Variants in KIF4A observed in about 807,000 individuals in gnomAD.
KIF4A encodes kinesin family member 4A.
A neutral mutation model predicts 105.9 loss-of-function variants in KIF4A; 7 were observed. The ratio of observed to expected loss-of-function variants is 0.07; its 90% CI spans 0.04 to 0.12. KIF4A has a LOEUF of 0.12. KIF4A is among the 10% of genes least tolerant of loss of function. The pLI is 1.00. For synonymous variants in KIF4A, 281 were observed against 331.3 expected (o/e 0.85, Z 1.65); for missense variants, 558 against 929.2 (o/e 0.60, Z 5.19).
chrX:70,326,701 A>C (rs1427251084), intron 7 of KIF4A, among the ~76,000 whole-genome samples: 2 of 111,898 alleles, frequency 1.8e-5, no homozygotes, highest in Non-Finnish European at 3.8e-5. Flanking sequence ...GCTGTCCTTA[A>C]TCAGAACTTT....
chrX:70,356,566 A>C (rs1458504293), intron 15 of KIF4A, among the ~76,000 whole-genome samples: 4 of 112,338 alleles, frequency 3.6e-5, no homozygotes, highest in South Asian at 3.7e-4. Context: ...CTGTCTCAAA[A>C]AAACAAACAA....
intron 1 of KIF4A, 125 bp downstream of exon 1, chrX:70,290,275 T>TAAAG: frequency 3.8e-6 from 2 of 531,840 alleles, no homozygotes; most frequent in Non-Finnish European, 5.9e-6. Context: ...GCACTCTCTT[T>TAAAG]AGAGTGCAGG....
intron 15 of KIF4A, among the ~76,000 whole-genome samples, chrX:70,358,068 G>T (rs1156371971): frequency 9.0e-6 from 1 of 110,704 alleles, no homozygotes; most frequent in African/African-American, 3.3e-5. Context: ...GTGCCACCAT[G>T]CCTGGCTAAT....
At chrX:70,364,408 A>G (rs1234714998) in intron 15 of KIF4A, among the ~76,000 whole-genome samples, 4 of 108,645 alleles carry the variant, frequency 3.7e-5, no homozygotes, top group African/African-American at 1.0e-4. Flanking sequence ...ATCTTGAATT[A>G]ATTTTTGTAT....
chrX:70,308,497 G>A (rs781202027), intron 7 of KIF4A, among the ~76,000 whole-genome samples: 6 of 112,232 alleles, frequency 5.3e-5, no homozygotes, highest in African/African-American at 6.5e-5. Flanking sequence ...ATTTTTTCAC[G>A]TACACATATA....
chrX:70,339,361 C>T (rs75401738), intron 10 of KIF4A, among the ~76,000 whole-genome samples: 2 of 111,407 alleles, frequency 1.8e-5, no homozygotes, highest in East Asian at 5.6e-4. Flanking sequence ...TCCTAATTTT[C>T]CCCCTTTAGA....
chrX:70,404,811 C>G lies in KIF4A; in HGVS notation c.2887C>G (p.Leu963Val), dbSNP rs1276840801. 1 of 1,182,400 alleles carries G rather than the reference C, an allele frequency of 8.5e-7. No homozygotes were observed. The highest frequency in any genetic ancestry group is 1.8e-5 in the African/African-American group (1 of 56,885). ...SEKEQQLLSTLKCQDEELEKM... is the reference protein window; with the variant it reads ...SEKEQQLLSTVKCQDEELEKM... ...AAAGGAACAGCAGCTGCTGAGCACA[C>G]TGAAGTGTCAGGTATGATCACGAGA... Residue 963 changes from leucine (L) to valine (V), a missense_variant, in exon 25 of 31, where the codon CTG becomes GTG. Physicochemically the swap from Leu to Val is conservative, Grantham distance 32 (BLOSUM62 1). Coordinates refer to ENST00000374403, the MANE Select transcript of KIF4A (RefSeq NM_012310.5).
intron 4 of KIF4A, among the ~76,000 whole-genome samples, chrX:70,298,897 A>G (rs1341373622): frequency 8.9e-6 from 1 of 112,656 alleles, no homozygotes; most frequent in African/African-American, 3.2e-5. Context: ...CAATTTTGCT[A>G]CAAGTGATAT....
At chrX:70,396,166 A>G in intron 22 of KIF4A, 117 bp downstream of exon 22, 3 of 501,817 alleles carry the variant, frequency 6.0e-6, no homozygotes, top group Non-Finnish European at 9.7e-6. Context: ...GAAAATAACA[A>G]TTTTTTTTAA....
Position 70,359,946 on chromosome X carries a change from T to C in KIF4A, c.1674+6139T>C, listed in dbSNP as rs987662417. ...GGACTTAGGCAGGGGTGATTCCCAC[T>C]AAAAGCCAAAGGTTTCATGCCTGGC... On this transcript the variant is annotated intron_variant, in intron 15 of 30. Transcript: ENST00000374403. Among the ~76,000 whole-genome samples, 3 of 111,782 alleles carry C rather than the reference T, an allele frequency of 2.7e-5. No homozygotes were observed. The Admixed American group carries it at 2.9e-4, about 11-fold the overall frequency.
At position 70,323,810 on chromosome X, in the gene KIF4A, A is replaced by ATATTTATG. The variant is rs2085900569; in HGVS notation, c.779-5588_779-5587insGTATTTAT. Among the ~76,000 whole-genome samples, 7 of 94,614 alleles carry ATATTTATG rather than the reference A, an allele frequency of 7.4e-5. No homozygotes were observed. In the South Asian group the frequency reaches 3.9e-3, roughly 52 times the overall value. The allele number at this position is 94,614 out of a possible 115,157, so 82.2% of individuals were successfully genotyped here. ...CTTACATATCATTAACTGGCATTTA[A>ATATTTATG]TATTTATTTATTTATTTATTTATTT... On this transcript the variant is annotated intron_variant, in intron 7 of 30. Transcript: ENST00000374403.
rs373314492 is a variant in KIF4A at position 70,350,878 on chromosome X, T to C, written c.1432-1722T>C. 4.4e-4 allele frequency among the ~76,000 whole-genome samples: 49 copies of C among 112,260 alleles called. 3 individuals carry two copies. The highest frequency in any genetic ancestry group is 3.5e-3 in the Admixed American group (37 of 10,684). On this transcript the variant is annotated intron_variant, in intron 13 of 30. Coordinates refer to ENST00000374403, the MANE Select transcript of KIF4A (RefSeq NM_012310.5). ...GTACATGACTTCCTGGAAATAATTC[T>C]TTTTTCCCAGGGCTTTGAAGAATCA...
intron 13 of KIF4A, among the ~76,000 whole-genome samples, chrX:70,345,997 T>A (rs971124236): frequency 8.1e-5 from 9 of 111,492 alleles, no homozygotes; most frequent in Non-Finnish European, 3.8e-5. Flanking sequence ...AACAGGAGTT[T>A]GCCATGCAGA....
chrX:70,370,432 T>C, intron 15 of KIF4A, among the ~76,000 whole-genome samples: 1 of 107,384 alleles, frequency 9.3e-6, no homozygotes, highest in East Asian at 2.8e-4. Flanking sequence ...TAAGTAAAAA[T>C]ATAGAATATA....
chrX:70,380,599 T>C (rs1042621368), intron 18 of KIF4A, among the ~76,000 whole-genome samples: 2 of 111,872 alleles, frequency 1.8e-5, no homozygotes, highest in Non-Finnish European at 3.8e-5. Context: ...GAGCATACTT[T>C]TCCCCTAAGA....
At chrX:70,343,119 T>C (rs968378093) in intron 11 of KIF4A, among the ~76,000 whole-genome samples, 4 of 111,610 alleles carry the variant, frequency 3.6e-5, no homozygotes, top group Non-Finnish European at 5.6e-5. Context: ...CCATCATTCT[T>C]GTGCCGTACC....
In KIF4A at chrX:70,420,049, C is replaced by T. The variant is rs371795410; in HGVS notation, c.3496-13C>T. The stretch of plus-strand genomic sequence containing the variant: ...TTCTAAAGTCTATTCATACCTGTCT[C>T]TGTCCCTCCTAGATCCTGAAAGAGA... On this transcript the variant is annotated splice_polypyrimidine_tract_variant and intron_variant, in intron 30 of 30. Coordinates refer to ENST00000374403, the MANE Select transcript of KIF4A (RefSeq NM_012310.5). 2 of 1,206,866 alleles carry T rather than the reference C, an allele frequency of 1.7e-6. No individual in the cohort carries two copies. The highest frequency in any genetic ancestry group is 2.2e-6 in the Non-Finnish European group (2 of 892,420).
chrX:70,308,183 G>A (rs1602742288), intron 7 of KIF4A, among the ~76,000 whole-genome samples: 1 of 112,075 alleles, frequency 8.9e-6, no homozygotes, highest in East Asian at 2.8e-4. Context: ...TCATTTCCCA[G>A]ACCTTTTAAG....
intron 7 of KIF4A, among the ~76,000 whole-genome samples, chrX:70,308,766 T>C (rs1288198781): frequency 7.2e-5 from 8 of 111,483 alleles, no homozygotes; most frequent in Non-Finnish European, 1.5e-4. Context: ...CATGCTGCCA[T>C]GCATGACTAA....
Sources: gnomAD v4.1 joint callset for allele counts (sites outside exome capture counted in the v4.1 genomes callset) on GRCh38, gnomAD v4.1.1 for gene constraint, MANE v1.5 for transcripts, NCBI Gene and HGNC (gene_info 2026-07-23, HGNC 2026-07-21) for gene names.